The following COL19A1 variants were observed in gnomAD, a reference collection of about 807,000 sequenced individuals.
COL19A1 encodes collagen alpha-1(XIX) chain.
A neutral mutation model predicts 190.2 loss-of-function variants in COL19A1; 159 were observed. The ratio of observed to expected loss-of-function variants is 0.84; its 90% CI spans 0.73 to 0.95. The LOEUF (loss-of-function observed/expected upper bound fraction) is 0.95, where lower values mean the gene tolerates loss of function less well. COL19A1 is among the 40% of genes least tolerant of loss of function. COL19A1 has a pLI of 0.00. For synonymous variants in COL19A1, 509 were observed against 458.9 expected (o/e 1.11, Z -1.39); for missense variants, 1,418 against 1,431.9 (o/e 0.99, Z 0.16).
At chr6:70,138,486 C>T (rs1438036694) in intron 19 of COL19A1, among the ~76,000 whole-genome samples, 4 of 152,092 alleles carry the variant, frequency 2.6e-5, no homozygotes, top group African/African-American at 9.7e-5. Context: ...TCAGGCTTAA[C>T]AAATGTTTCA....
At chr6:70,194,987 AT>A (rs1767099882) in intron 48 of COL19A1, among the ~76,000 whole-genome samples, 2 of 151,328 alleles carry the variant, frequency 1.3e-5, no homozygotes, top group South Asian at 4.2e-4. Flanking sequence ...GCATATATAT[AT>A]GAATGTGTGT....
chr6:69,870,616 C>A (rs1767767703), intron 1 of COL19A1, among the ~76,000 whole-genome samples: 1 of 152,150 alleles, frequency 6.6e-6, no homozygotes, highest in Non-Finnish European at 1.5e-5. Flanking sequence ...TGAGGCCCCA[C>A]TGTAAAAGAG....
chr6:69,903,804 G>A (rs7761638), intron 4 of COL19A1, among the ~76,000 whole-genome samples: 2,688 of 152,288 alleles, frequency 0.018, 99 homozygotes, highest in African/African-American at 0.061. Context: ...TAGGGCTTAT[G>A]CCTGCTAATT....
chr6:69,914,422 A>C (rs1417780821), intron 4 of COL19A1, among the ~76,000 whole-genome samples: 1 of 152,186 alleles, frequency 6.6e-6, no homozygotes. Context: ...CACTCTCAGG[A>C]AATGTAACTT....
At chr6:70,161,506 G>T (rs889616011) in intron 34 of COL19A1, among the ~76,000 whole-genome samples, 2 of 152,076 alleles carry the variant, frequency 1.3e-5, no homozygotes, top group Non-Finnish European at 2.9e-5. Context: ...TTACTTATAA[G>T]TGAGGGCTAA....
intron 41 of COL19A1, among the ~76,000 whole-genome samples, chr6:70,175,910 A>C (rs890523296): frequency 4.6e-5 from 7 of 152,138 alleles, no homozygotes; most frequent in African/African-American, 4.8e-5. Context: ...TTCTGCCCCC[A>C]AAAATTGCCA....
At chr6:70,125,638 G>C (rs528676050) in intron 17 of COL19A1, among the ~76,000 whole-genome samples, 2 of 152,272 alleles carry the variant, frequency 1.3e-5, no homozygotes, top group African/African-American at 4.8e-5. Flanking sequence ...TAGAGAGACA[G>C]CCTAAGGAGT....
chr6:69,897,458 TAC>T (rs71760023), intron 2 of COL19A1, among the ~76,000 whole-genome samples: 16,648 of 145,004 alleles, frequency 0.11, 1,411 homozygotes, highest in East Asian at 0.44. Context: ...TTGTCAGTTT[TAC>T]ACACACACAC....
intron 6 of COL19A1, among the ~76,000 whole-genome samples, chr6:69,930,194 G>T (rs1358213580): frequency 6.6e-6 from 1 of 152,062 alleles, no homozygotes; most frequent in African/African-American, 2.4e-5. Context: ...CTATTGTACA[G>T]AAAAATTCAC....
At chr6:70,102,315 G>A in intron 16 of COL19A1, 93 bp downstream of exon 16, 1 of 938,330 alleles carries the variant, frequency 1.1e-6, no homozygotes, top group East Asian at 2.4e-5. Flanking sequence ...TGTAGATAAT[G>A]ATTTCCTTTA....
At chr6:70,048,265 C>T (rs1780012646) in intron 14 of COL19A1, among the ~76,000 whole-genome samples, 1 of 151,928 alleles carries the variant, frequency 6.6e-6, no homozygotes, top group Non-Finnish European at 1.5e-5. Flanking sequence ...TAGCAGATGC[C>T]CCTAATGCAC....
At chr6:70,151,339 A>T in intron 30 of COL19A1, 58 bp from the exon 31 acceptor site, 6 of 1,532,242 alleles carry the variant, frequency 3.9e-6, no homozygotes, top group Non-Finnish European at 4.5e-6. Flanking sequence ...CTGTATGTTT[A>T]TATTGTATTG....
intron 2 of COL19A1, among the ~76,000 whole-genome samples, chr6:69,887,057 G>C (rs1768995577): frequency 6.6e-6 from 1 of 152,082 alleles, no homozygotes; most frequent in Admixed American, 6.5e-5. Context: ...AATGTTGCTA[G>C]AAATGTTGAA....
chr6:70,004,434 G>A (rs1777483954), intron 11 of COL19A1, among the ~76,000 whole-genome samples: 1 of 152,136 alleles, frequency 6.6e-6, no homozygotes, highest in South Asian at 2.1e-4. Context: ...GCTAGGTTGA[G>A]GAAGTTCTCC....
intron 15 of COL19A1, among the ~76,000 whole-genome samples, chr6:70,073,774 T>C (rs759029125): frequency 4.6e-5 from 7 of 152,184 alleles, no homozygotes; most frequent in Non-Finnish European, 7.3e-5. Context: ...TGAAGATTGG[T>C]GTCATCACTG....
intron 31 of COL19A1, among the ~76,000 whole-genome samples, chr6:70,155,546 A>G (rs547635939): frequency 1.3e-5 from 2 of 152,290 alleles, no homozygotes; most frequent in African/African-American, 4.8e-5. Context: ...TAGATTTCCT[A>G]TTGTCACTTG....
chr6:69,898,285 C>G (rs1402822913), intron 2 of COL19A1, among the ~76,000 whole-genome samples: 1 of 152,146 alleles, frequency 6.6e-6, no homozygotes, highest in East Asian at 1.9e-4. Context: ...TAAACATGTC[C>G]TAAGACGTTG....
At chr6:69,930,478 T>C (rs1395865742) in intron 6 of COL19A1, among the ~76,000 whole-genome samples, 2 of 152,134 alleles carry the variant, frequency 1.3e-5, no homozygotes, top group African/African-American at 2.4e-5. Context: ...TCTAAGAAGA[T>C]TGAGTGTTCT....
At chr6:69,888,777 CAAAAAA>C (rs35211332) in intron 2 of COL19A1, among the ~76,000 whole-genome samples, 11 of 126,220 alleles carry the variant, frequency 8.7e-5, no homozygotes, top group Admixed American at 1.6e-4. Flanking sequence ...GACTCTAGCT[CAAAAAA>C]AAAAAAAAAA....
Sources: gnomAD v4.1 joint callset for allele counts (sites outside exome capture counted in the v4.1 genomes callset) on GRCh38, gnomAD v4.1.1 for gene constraint, MANE v1.5 for transcripts, NCBI Gene and HGNC (gene_info 2026-07-23, HGNC 2026-07-21) for gene names.